ALDH7A1: variants seen among roughly 807,000 people sequenced by gnomAD.
The protein encoded by ALDH7A1 is aldehyde dehydrogenase 7 family member A1, also known as alpha-aminoadipic semialdehyde dehydrogenase.
In ALDH7A1, 63 loss-of-function variants were observed where a neutral mutation model predicts 79.9. That is an observed-to-expected ratio of 0.79 (90% CI 0.64 to 0.97). The LOEUF (loss-of-function observed/expected upper bound fraction) is 0.97, where lower values mean the gene tolerates loss of function less well. Ranked by LOEUF, ALDH7A1 falls within the 50% of genes least tolerant of loss-of-function variation. ALDH7A1 has a pLI of 0.00. For synonymous variants in ALDH7A1, 240 were observed against 231.2 expected (o/e 1.04, Z -0.34); for missense variants, 627 against 665.2 (o/e 0.94, Z 0.63).
chr5:126,566,197 T>C (rs1423804105), intron 9 of ALDH7A1, among the ~76,000 whole-genome samples: 1 of 152,316 alleles, frequency 6.6e-6, no homozygotes, highest in East Asian at 1.9e-4. Context: ...ATATTAAATC[T>C]TCCAAAAAAT....
intron 7 of ALDH7A1, among the ~76,000 whole-genome samples, chr5:126,574,438 G>C (rs1258098160): frequency 1.3e-5 from 2 of 150,620 alleles, no homozygotes; most frequent in Non-Finnish European, 2.9e-5. Context: ...GCTCATGCCT[G>C]TAATCCCAGC....
intron 7 of ALDH7A1, chr5:126,571,157 T>A: frequency 4.4e-6 from 1 of 225,250 alleles, no homozygotes; most frequent in Non-Finnish European, 7.5e-6. Flanking sequence ...CAGATTTTTT[T>A]TTTTTTTTTT....
chr5:126,551,078 T>C (rs1439046731), intron 14 of ALDH7A1, among the ~76,000 whole-genome samples: 1 of 152,074 alleles, frequency 6.6e-6, no homozygotes, highest in Non-Finnish European at 1.5e-5. Flanking sequence ...TATAGGTACA[T>C]ACAACACCTG....
intron 10 of ALDH7A1, among the ~76,000 whole-genome samples, chr5:126,559,896 G>A (rs577202789): frequency 6.6e-6 from 1 of 151,848 alleles, no homozygotes; most frequent in Non-Finnish European, 1.5e-5. Context: ...GGTAAATTGA[G>A]GCTCTCACTC....
At chr5:126,591,499 G>A (rs1002350473) in intron 3 of ALDH7A1, among the ~76,000 whole-genome samples, 1 of 140,344 alleles carries the variant, frequency 7.1e-6, no homozygotes, top group African/African-American at 2.7e-5. Flanking sequence ...AGAAAATACT[G>A]CAGCTCAGTA....
chr5:126,557,191 C>T (rs1034402421), intron 11 of ALDH7A1, among the ~76,000 whole-genome samples: 1 of 152,108 alleles, frequency 6.6e-6, no homozygotes, highest in African/African-American at 2.4e-5. Context: ...ATTTAATAAA[C>T]TTTAAAGTTA....
At chr5:126,580,101 T>C (rs1210201868) in intron 5 of ALDH7A1, 1 of 167,398 alleles carries the variant, frequency 6.0e-6, no homozygotes, top group Non-Finnish European at 1.5e-5. Context: ...GTATTGTTGT[T>C]ATTGCTGTTG....
At chr5:126,568,558 C>A (rs1394259729) in intron 8 of ALDH7A1, 2 of 585,028 alleles carry the variant, frequency 3.4e-6, no homozygotes, top group Non-Finnish European at 6.2e-6. Flanking sequence ...AAGAGGCTAA[C>A]CTGCTGTGAG....
chr5:126,570,321 T>C (rs1319558277), intron 8 of ALDH7A1: 1 of 200,240 alleles, frequency 5.0e-6, no homozygotes, highest in Non-Finnish European at 1.0e-5. Context: ...TTGTGAATTA[T>C]ATGGCAATTA....
chr5:126,593,657 C>T (rs1042201432), intron 1 of ALDH7A1: 16 of 596,940 alleles, frequency 2.7e-5, no homozygotes, highest in African/African-American at 2.0e-4. Flanking sequence ...AAACAAAAGC[C>T]TTAACATAAG....
chr5:126,551,983 A>G lies in ALDH7A1; in HGVS notation c.1317+38T>C, dbSNP rs368620466. ...CACCATCATTTTCCTCTTATCATTTATTTCAACATCAGGCTAGCGAACAGA... is the reference window on the plus strand; with the variant it reads ...CACCATCATTTTCCTCTTATCATTTGTTTCAACATCAGGCTAGCGAACAGA... On this transcript the variant is annotated intron_variant, in intron 14 of 17. Coordinates refer to ENST00000409134, the MANE Select transcript of ALDH7A1 (RefSeq NM_001182.5). The G allele has an allele frequency of 1.1e-5, 16 of 1,476,290 alleles. No individual in the cohort carries two copies. In the African/African-American group the frequency reaches 1.9e-4, roughly 18 times the overall value. 91.4% of individuals were successfully genotyped at this position (1,476,290 alleles called of 1,614,324 possible).
intron 3 of ALDH7A1, among the ~76,000 whole-genome samples, chr5:126,591,680 G>T (rs1052993238): frequency 1.3e-5 from 2 of 152,122 alleles, no homozygotes; most frequent in Admixed American, 6.6e-5. Flanking sequence ...ACTGAGGATG[G>T]GGGTAGTGGA....
chr5:126,558,166 C>CAAAAAAAAAAAAA (rs35559498), intron 11 of ALDH7A1, among the ~76,000 whole-genome samples: 18 of 75,410 alleles, frequency 2.4e-4, no homozygotes, highest in South Asian at 7.0e-4. Flanking sequence ...GACTCCAACT[C>CAAAAAAAAAAAAA]AAAAAAAAAA....
At chr5:126,558,415 G>A (rs553731884) in intron 11 of ALDH7A1, among the ~76,000 whole-genome samples, 169 of 152,186 alleles carry the variant, frequency 1.1e-3, no homozygotes, top group African/African-American at 4.0e-3. Context: ...GGCTATATAT[G>A]TATATAGAGA....
At chr5:126,560,969 G>T in intron 10 of ALDH7A1, 114 bp downstream of exon 10, 1 of 1,151,558 alleles carries the variant, frequency 8.7e-7, no homozygotes, top group South Asian at 1.3e-5. Flanking sequence ...CAGGAACTAG[G>T]TCTCAGGCAT....
chr5:126,577,621 G>A (rs1438282375), intron 5 of ALDH7A1, among the ~76,000 whole-genome samples: 2 of 152,104 alleles, frequency 1.3e-5, no homozygotes, highest in Non-Finnish European at 2.9e-5. Context: ...AGGCTGGAGT[G>A]GAGTGGCGCA....
chr5:126,557,526 C>T (rs963595556), intron 11 of ALDH7A1, among the ~76,000 whole-genome samples: 1 of 150,318 alleles, frequency 6.7e-6, no homozygotes, highest in African/African-American at 2.5e-5. Context: ...GTGGAGGTTA[C>T]GGTGAGCTGA....
intron 5 of ALDH7A1, among the ~76,000 whole-genome samples, chr5:126,580,927 C>T (rs547157202): frequency 2.0e-5 from 3 of 151,870 alleles, no homozygotes; most frequent in South Asian, 2.1e-4. Flanking sequence ...CGGGTTCAAG[C>T]GATTCTCCTG....
At chr5:126,594,814 TAGCACAC>T (rs1370685620) in intron 1 of ALDH7A1, among the ~76,000 whole-genome samples, 186 bp downstream of exon 1, 1 of 151,842 alleles carries the variant, frequency 6.6e-6, no homozygotes, top group Non-Finnish European at 1.5e-5. Flanking sequence ...CGATTCTGCA[TAGCACAC>T]AAGGACCTAA....
Sources: gnomAD v4.1 joint callset for allele counts (sites outside exome capture counted in the v4.1 genomes callset) on GRCh38, gnomAD v4.1.1 for gene constraint, MANE v1.5 for transcripts, NCBI Gene and HGNC (gene_info 2026-07-23, HGNC 2026-07-21) for gene names.